Variants in FBLN1 observed in about 807,000 individuals in gnomAD.
FBLN1 encodes the protein fibulin 1.
FBLN1 carries 34 observed loss-of-function variants against 89.7 expected under a neutral mutation model. The observed-to-expected ratio is 0.38, with a 90% CI of 0.29 to 0.50. FBLN1 has a LOEUF of 0.50. FBLN1 is among the 20% of genes least tolerant of loss of function. FBLN1 has a pLI of 0.92. For missense variants in FBLN1, 777 were observed against 988.1 expected (o/e 0.79, Z 2.86); for synonymous variants, 393 against 391.3 (o/e 1.00, Z -0.05).
At chr22:45,516,198 C>T (rs2088167792) in intron 1 of FBLN1, among the ~76,000 whole-genome samples, 2 of 152,016 alleles carry the variant, frequency 1.3e-5, no homozygotes, top group East Asian at 1.9e-4. Context: ...GAGGGTGAAA[C>T]TGCAGGTGGG....
chr22:45,515,395 A>AACATGGG (rs2088156435), intron 1 of FBLN1, among the ~76,000 whole-genome samples: 1 of 152,158 alleles, frequency 6.6e-6, no homozygotes, highest in Admixed American at 6.5e-5. Flanking sequence ...GGCTGCTCAG[A>AACATGGG]ACATGGGAGC....
At chr22:45,566,432 C>T (rs1292064997) in intron 14 of FBLN1, among the ~76,000 whole-genome samples, 3 of 152,156 alleles carry the variant, frequency 2.0e-5, no homozygotes, top group South Asian at 2.1e-4. Flanking sequence ...ACCCCTGTCC[C>T]GCAGCTCCTT....
chr22:45,529,866 C>A (rs1344637369), intron 4 of FBLN1, among the ~76,000 whole-genome samples: 1 of 151,408 alleles, frequency 6.6e-6, no homozygotes, highest in African/African-American at 2.4e-5. Context: ...GACTCAGTCT[C>A]AAAAAAAATA....
In FBLN1 at chr22:45,578,911, A is replaced by G. The variant is rs1197714105; in HGVS notation, c.1972+1803A>G. Among the ~76,000 whole-genome samples, 3 of 152,238 alleles carry G rather than the reference A, an allele frequency of 2.0e-5. No individual in the cohort carries two copies. The highest frequency in any genetic ancestry group is 4.4e-5 in the Non-Finnish European group (3 of 68,044). ...AGATACAGAGATGGATAAATGCCAC[A>G]TAGCCCCTGAGGACTTTGCATCTCA... On this transcript the variant is annotated intron_variant, in intron 16 of 16. Transcript: ENST00000327858. This position sits in a 1 kb window ranked among gnomAD's most constrained non-coding sequence, Gnocchi z 4.6.
intron 1 of FBLN1, among the ~76,000 whole-genome samples, chr22:45,518,193 A>G (rs1178682662): frequency 1.3e-5 from 2 of 151,388 alleles, no homozygotes; most frequent in Non-Finnish European, 2.9e-5. Flanking sequence ...AGCTCGTTGC[A>G]TTTTGAACCC....
rs745887570 is a variant in FBLN1 at position 45,550,561 on chromosome 22, G to A, written c.1643G>A (p.Gly548Asp). ...INETCFNIQG[G>D]FRCLAFECPE... Reference sequence around the variant, plus strand: ...GAGACCTGCTTCAACATCCAGGGCGGCTTCCGCTGCCTGGCCTTCGAGTGC... The same window carrying A: ...GAGACCTGCTTCAACATCCAGGGCGACTTCCGCTGCCTGGCCTTCGAGTGC... Residue 548 changes from glycine (G) to aspartate (D), a missense_variant, in exon 14 of 17, where the codon GGC (glycine) becomes GAC (aspartate). By Grantham distance (94) the Gly-to-Asp change is moderately conservative. Coordinates refer to ENST00000327858, the MANE Select transcript of FBLN1 (RefSeq NM_006486.3). This position sits in a 1 kb window ranked among gnomAD's most constrained non-coding sequence, Gnocchi z 8.4. 1.2e-6 allele frequency: 2 copies of A among 1,614,156 alleles called. No homozygotes were observed. Among genetic ancestry groups the A allele is most frequent in the South Asian group, 1.1e-5 (1 of 91,088 alleles).
chr22:45,505,807 T>C (rs2088011037), intron 1 of FBLN1, among the ~76,000 whole-genome samples: 1 of 152,192 alleles, frequency 6.6e-6, no homozygotes, highest in Admixed American at 6.5e-5. Context: ...GTTTCGCTCT[T>C]GTCGCCCAGG....
intron 14 of FBLN1, among the ~76,000 whole-genome samples, chr22:45,566,909 C>G (rs2088905531): frequency 6.6e-6 from 1 of 152,242 alleles, no homozygotes; most frequent in Admixed American, 6.5e-5. Flanking sequence ...ACAACTCCAA[C>G]AGCTAACACA....
rs1486730329 is a variant in FBLN1, at chr22:45,525,618, G to A, written c.261G>A (p.Glu87=). 6.4e-7 allele frequency: 1 copy of A among 1,551,052 alleles called. No homozygotes were observed. The highest frequency in any genetic ancestry group is 8.7e-7 in the Non-Finnish European group (1 of 1,146,938). ...CCACGGGCATCAGCCTGGCCAACGA[G>A]CAGGACCGCTGTGCCACGCCCCACG... The part of the protein sequence containing the change: ...HCATGISLAN[E]QDRCATPHGD... Residue 87 remains glutamate (E), a synonymous_variant, in exon 3 of 17, where the codon GAG becomes GAA. Coordinates refer to ENST00000327858, the MANE Select transcript of FBLN1 (RefSeq NM_006486.3).
At chr22:45,571,220 C>T (rs1436203110) in intron 14 of FBLN1, among the ~76,000 whole-genome samples, 1 of 151,200 alleles carries the variant, frequency 6.6e-6, no homozygotes, top group Non-Finnish European at 1.5e-5. Flanking sequence ...AAAATGTTCT[C>T]ATCAGACTCT....
chr22:45,577,624 C>A lies in FBLN1; in HGVS notation c.1972+516C>A, dbSNP rs921269181. The stretch of plus-strand genomic sequence containing the variant: ...GAGCAGTAGTCGTCCCCTCCCTACG[C>A]ATCAGTTGGTAAGAGGACCAAGGCC... On this transcript the variant is annotated intron_variant, in intron 16 of 16. Coordinates refer to ENST00000327858, the MANE Select transcript of FBLN1 (RefSeq NM_006486.3). This position sits in a 1 kb window ranked among gnomAD's most constrained non-coding sequence, Gnocchi z 6.6. Among the ~76,000 whole-genome samples the A allele has an allele frequency of 6.6e-6, 1 of 152,238 alleles. No homozygotes were observed. The highest frequency in any genetic ancestry group is 1.5e-5 in the Non-Finnish European group (1 of 68,050).
chr22:45,561,116 G>C lies in FBLN1; in HGVS notation c.1697+10501G>C, dbSNP rs1198142971. Among the ~76,000 whole-genome samples the C allele has an allele frequency of 6.6e-6, 1 of 152,196 alleles. No individual in the cohort carries two copies. Among genetic ancestry groups the C allele is most frequent in the Non-Finnish European group, 1.5e-5 (1 of 68,040 alleles). On this transcript the variant is annotated intron_variant, in intron 14 of 16. Coordinates refer to ENST00000327858, the MANE Select transcript of FBLN1 (RefSeq NM_006486.3). This position sits in a 1 kb window ranked among gnomAD's most constrained non-coding sequence, Gnocchi z 4.7. The stretch of plus-strand genomic sequence containing the variant: ...CCACATGTCCCCATTCCAAGTTGCA[G>C]GGTCCCATTCTTTTTCAATCAATGC...
chr22:45,517,006 G>C (rs1448227208), intron 1 of FBLN1, among the ~76,000 whole-genome samples: 4 of 152,230 alleles, frequency 2.6e-5, no homozygotes, highest in Non-Finnish European at 4.4e-5. Flanking sequence ...GAACGGGATG[G>C]AGCATCTGAA....
intron 1 of FBLN1, among the ~76,000 whole-genome samples, chr22:45,511,147 A>G (rs1237063347): frequency 7.1e-6 from 1 of 140,092 alleles, no homozygotes; most frequent in Admixed American, 7.4e-5. Flanking sequence ...TATCTCATCA[A>G]TCTTCCCCCA....
In FBLN1 at chr22:45,564,984, G is replaced by T. The variant is rs112501521; in HGVS notation, c.1698-9527G>T. 1,462 of 1,613,890 alleles carry T rather than the reference G, an allele frequency of 9.1e-4. 12 individuals carry two copies. Among genetic ancestry groups the T allele is most frequent in the African/African-American group, 7.0e-3 (523 of 75,032 alleles). ...GCAGGGGTTGGAGGATACCCACCTTGATGCCTAGTGAGGAAGATGGACCTG... is the reference window on the plus strand; with the variant it reads ...GCAGGGGTTGGAGGATACCCACCTTTATGCCTAGTGAGGAAGATGGACCTG... On this transcript the variant is annotated intron_variant, in intron 14 of 16. Coordinates refer to ENST00000327858, the MANE Select transcript of FBLN1 (RefSeq NM_006486.3).
In FBLN1 at chr22:45,525,497, G is replaced by A; in HGVS notation, c.186-46G>A. 5 of 1,544,928 alleles carry A rather than the reference G, an allele frequency of 3.2e-6. No homozygotes were observed. The South Asian group carries it at 3.6e-5, about 11-fold the overall frequency. On this transcript the variant is annotated intron_variant, in intron 2 of 16. Transcript: ENST00000327858. ...CACCCCCGAGGATCTCGTGCCCTGG[G>A]CCCCCTGCGCACAGAGCCTTGGCCC...
At position 45,574,981 on chromosome 22, in the gene FBLN1, A is replaced by G. The variant is rs1299008290; in HGVS notation, c.1840+328A>G. On this transcript the variant is annotated intron_variant, in intron 15 of 16. Transcript: ENST00000327858. The surrounding 1 kb of genome is among the most constrained non-coding windows in gnomAD (Gnocchi z 4.1). Reference sequence around the variant, plus strand: ...GTATTTTTAGTAAAGACGGGGTTTCACCGTGTTCGCCAGGATGGTCTCAAT... The same window carrying G: ...GTATTTTTAGTAAAGACGGGGTTTCGCCGTGTTCGCCAGGATGGTCTCAAT... Among the ~76,000 whole-genome samples, 1 of 151,654 alleles carries G rather than the reference A, an allele frequency of 6.6e-6. No individual in the cohort carries two copies. Among genetic ancestry groups the G allele is most frequent in the Non-Finnish European group, 1.5e-5 (1 of 67,904 alleles).
At position 45,588,715 on chromosome 22, in the gene FBLN1, A is replaced by G. The variant is rs2089109243; in HGVS notation, c.1973-11592A>G. ...TAGGCTGCTGGTCTGCACCTTCTGAAAAGCCTTTAATATCACCGGGCACAT... is the reference window on the plus strand; with the variant it reads ...TAGGCTGCTGGTCTGCACCTTCTGAGAAGCCTTTAATATCACCGGGCACAT... On this transcript the variant is annotated intron_variant, in intron 16 of 16. Coordinates refer to ENST00000327858, the MANE Select transcript of FBLN1 (RefSeq NM_006486.3). This position sits in a 1 kb window ranked among gnomAD's most constrained non-coding sequence, Gnocchi z 5.1. 6.6e-6 allele frequency among the ~76,000 whole-genome samples: 1 copy of G among 152,138 alleles called. No homozygotes were observed. The highest frequency in any genetic ancestry group is 1.5e-5 in the Non-Finnish European group (1 of 68,022).
chr22:45,531,670 C>T lies in FBLN1; in HGVS notation c.544+346C>T, dbSNP rs894208722. 6.6e-6 allele frequency among the ~76,000 whole-genome samples: 1 copy of T among 152,226 alleles called. No homozygotes were observed. On this transcript the variant is annotated intron_variant, in intron 5 of 16. Coordinates refer to ENST00000327858, the MANE Select transcript of FBLN1 (RefSeq NM_006486.3). The surrounding 1 kb of genome is among the most constrained non-coding windows in gnomAD (Gnocchi z 4.9). ...ATGAGCCACTTCCACCCTGAGGAGT[C>T]GTGGACTCCCAGCTCCTCCTTCCCT...
Sources: allele counts gnomAD v4.1 joint callset (sites outside exome capture counted in the v4.1 genomes callset), GRCh38; gene constraint gnomAD v4.1.1; non-coding constraint Gnocchi (gnomAD v3.1); transcripts MANE v1.5; gene names NCBI Gene and HGNC (gene_info 2026-07-23, HGNC 2026-07-21).